Variants in XPNPEP1 observed in about 807,000 individuals in gnomAD.
XPNPEP1 encodes the protein xaa-Pro aminopeptidase 1.
A neutral mutation model predicts 92.4 loss-of-function variants in XPNPEP1; 39 were observed. The ratio of observed to expected loss-of-function variants is 0.42; its 90% confidence interval spans 0.33 to 0.55. The LOEUF (loss-of-function observed/expected upper bound fraction) is 0.55, where lower values mean the gene tolerates loss of function less well. XPNPEP1 is among the 20% of genes least tolerant of loss of function. XPNPEP1 has a pLI of 0.08. For synonymous variants in XPNPEP1, 307 were observed against 299.4 expected (o/e 1.03, Z -0.26); for missense variants, 654 against 856.1 (o/e 0.76, Z 2.95).
At chr10:109,883,894 T>C in intron 9 of XPNPEP1, 173 bp downstream of exon 9, 1 of 603,764 alleles carries the variant, frequency 1.7e-6, no homozygotes, top group East Asian at 2.9e-5. Flanking sequence ...AGGCAGGATA[T>C]AAATAAACAC....
At chr10:109,879,150 G>A (rs1589561843) in intron 12 of XPNPEP1, among the ~76,000 whole-genome samples, 1 of 152,034 alleles carries the variant, frequency 6.6e-6, no homozygotes, top group Admixed American at 6.5e-5. Context: ...GCTGAGGCAG[G>A]AGAATGGCGT....
Position 109,868,623 on chromosome 10 carries a change from T to A in XPNPEP1, c.1863A>T (p.Thr621=), listed in dbSNP as rs775436314. The A allele has an allele frequency of 6.2e-7, 1 of 1,613,780 alleles. No homozygotes were observed. Among genetic ancestry groups the A allele is most frequent in the East Asian group, 2.2e-5 (1 of 44,882 alleles). ...QTKMIDVDSL[T]DKECDWLNNY... ...AAGACTTCCCCATTACCTCTTTGTC[T>A]GTAAGAGAATCCACATCTATCATTT... Residue 621 remains threonine, a synonymous_variant, in exon 20 of 21, where the codon ACA becomes ACT. Transcript: ENST00000502935.
intron 5 of XPNPEP1, among the ~76,000 whole-genome samples, chr10:109,890,589 TGTGTGAGA>T (rs1449512757): frequency 5.1e-4 from 46 of 90,980 alleles, no homozygotes; most frequent in South Asian, 1.9e-3. Context: ...TGTGTGTGTG[TGTGTGAGA>T]GAGAGAGAGA....
chr10:109,906,630 T>G (rs890180638), intron 3 of XPNPEP1, among the ~76,000 whole-genome samples: 3 of 152,204 alleles, frequency 2.0e-5, no homozygotes, highest in Non-Finnish European at 4.4e-5. Context: ...CAGTTTCTAT[T>G]ACCTGCAACT....
intron 3 of XPNPEP1, among the ~76,000 whole-genome samples, chr10:109,904,501 T>C (rs1224454853): frequency 6.6e-6 from 1 of 152,094 alleles, no homozygotes; most frequent in African/African-American, 2.4e-5. Context: ...GAAAATTCCA[T>C]GGACATTTAA....
chr10:109,878,053 G>C lies in XPNPEP1; in HGVS notation c.1188C>G (p.Pro396=). Residue 396 remains proline (P), a synonymous_variant, in exon 13 of 21, where the codon CCC becomes CCG. Transcript: ENST00000502935. ...ELFNWLEKEV[P]KGGVTEISAA... is the part of the protein sequence containing the mutation. ...CTGAGATCTCTGTCACACCACCTTT[G>C]GGAACCTATGAGAAAATTGCTTATA... 6.2e-7 allele frequency: 1 copy of C among 1,614,154 alleles called. No individual in the cohort carries two copies.
chr10:109,881,778 TCCCAGAC>T (rs1272438664), intron 10 of XPNPEP1, among the ~76,000 whole-genome samples: 1 of 152,120 alleles, frequency 6.6e-6, no homozygotes, highest in African/African-American at 2.4e-5. Flanking sequence ...TCCAGTCCCA[TCCCAGAC>T]CCTAATGAAA....
chr10:109,865,595 C>T (rs567675651), intron 20 of XPNPEP1, among the ~76,000 whole-genome samples: 14 of 152,344 alleles, frequency 9.2e-5, no homozygotes, highest in African/African-American at 3.1e-4. Flanking sequence ...ACCTGTGTGG[C>T]TTCATTCCCT....
At chr10:109,907,646 G>A (rs1564787258) in intron 3 of XPNPEP1, 45 bp downstream of exon 3, 2 of 1,612,732 alleles carry the variant, frequency 1.2e-6, no homozygotes, top group Non-Finnish European at 8.5e-7. Context: ...TAGGGCTGGG[G>A]AAAAAAGACT....
intron 3 of XPNPEP1, among the ~76,000 whole-genome samples, chr10:109,904,208 T>C (rs1329173563): frequency 6.7e-6 from 1 of 148,916 alleles, no homozygotes; most frequent in African/African-American, 2.5e-5. Context: ...AAGTCTATCC[T>C]TACCTTCCCA....
At chr10:109,916,068 C>T (rs1589637556) in intron 1 of XPNPEP1, among the ~76,000 whole-genome samples, 1 of 152,054 alleles carries the variant, frequency 6.6e-6, no homozygotes, top group East Asian at 1.9e-4. Context: ...GCAACAGACA[C>T]AAAACAAGTA....
At chr10:109,889,383 A>G (rs1259030927) in intron 5 of XPNPEP1, among the ~76,000 whole-genome samples, 3 of 152,192 alleles carry the variant, frequency 2.0e-5, no homozygotes, top group African/African-American at 7.2e-5. Flanking sequence ...CTGTATTTTT[A>G]GTAAAGACGG....
At chr10:109,919,929 G>A (rs180925998) in intron 1 of XPNPEP1, among the ~76,000 whole-genome samples, 1 of 152,264 alleles carries the variant, frequency 6.6e-6, no homozygotes, top group East Asian at 1.9e-4. Flanking sequence ...CTACTCAGGA[G>A]GCTGAGGCAG....
In XPNPEP1 at chr10:109,869,935, T is replaced by A. The variant is rs1847359152; in HGVS notation, c.1773+18A>T. On this transcript the variant is annotated intron_variant, in intron 19 of 20. Transcript: ENST00000502935. ...TATTGCTAATAGAAACAGGAAAATT[T>A]TTTTAATAAATCCTCACCTTGGTCT... is the stretch of plus-strand genomic sequence containing the variant. The A allele has an allele frequency of 1.2e-6, 2 of 1,613,704 alleles. No homozygotes were observed. The highest frequency in any genetic ancestry group is 2.2e-5 in the East Asian group (1 of 44,874).
intron 1 of XPNPEP1, among the ~76,000 whole-genome samples, chr10:109,918,899 GGAAGGAAGGAAGGAAGGAGA>G (rs1371027922): frequency 2.5e-4 from 20 of 80,990 alleles, no homozygotes; most frequent in African/African-American, 6.9e-4. Flanking sequence ...AAGGAAGGAA[GGAAGGAAGGAAGGAAGGAGA>G]GAGAGAAAAA....
chr10:109,909,333 C>T (rs1849735672), intron 2 of XPNPEP1, among the ~76,000 whole-genome samples: 1 of 152,064 alleles, frequency 6.6e-6, no homozygotes, highest in Admixed American at 6.6e-5. Flanking sequence ...AAACGAAGTC[C>T]CAAGGCTCCA....
chr10:109,877,341 C>T (rs1047606047), intron 14 of XPNPEP1: 1 of 159,558 alleles, frequency 6.3e-6, no homozygotes, highest in Non-Finnish European at 1.4e-5. Flanking sequence ...TAGCACATGC[C>T]TATAGTCCCA....
chr10:109,899,200 G>C (rs1378802214), intron 3 of XPNPEP1, among the ~76,000 whole-genome samples: 1 of 152,188 alleles, frequency 6.6e-6, no homozygotes, highest in African/African-American at 2.4e-5. Context: ...CCTTAGTGTA[G>C]AAGAGTCACT....
chr10:109,875,105 A>T (rs1035429534), intron 15 of XPNPEP1, among the ~76,000 whole-genome samples: 5 of 152,210 alleles, frequency 3.3e-5, no homozygotes, highest in African/African-American at 1.2e-4. Context: ...ACATGGAGAA[A>T]GAAATTCAGA....
Sources: allele counts gnomAD v4.1 joint callset (sites outside exome capture counted in the v4.1 genomes callset), GRCh38; gene constraint gnomAD v4.1.1; transcripts MANE v1.5; gene names NCBI Gene and HGNC (gene_info 2026-07-23, HGNC 2026-07-21).